Variants in PPP6R3 observed in about 807,000 individuals in gnomAD.
PPP6R3 encodes serine/threonine-protein phosphatase 6 regulatory subunit 3.
In PPP6R3, 38 loss-of-function variants were observed where a neutral mutation model predicts 110.7. The observed-to-expected ratio is 0.34, with a 90% CI of 0.26 to 0.45. The LOEUF (loss-of-function observed/expected upper bound fraction) is 0.45, where lower values mean the gene tolerates loss of function less well. Among genes scored for constraint, PPP6R3 ranks in the 20% least tolerant of loss-of-function variants. The pLI, the probability that PPP6R3 is intolerant of heterozygous loss-of-function variation, is 1.00. For synonymous variants in PPP6R3, 369 were observed against 373.5 expected, an observed-to-expected ratio of 0.99 and a Z score of 0.14; for missense variants, 870 against 1,062.4, an observed-to-expected ratio of 0.82 and a Z score of 2.52.
chr11:68,551,870 G>A (rs2099382010), intron 6 of PPP6R3, among the ~76,000 whole-genome samples: 1 of 152,206 alleles, frequency 6.6e-6, no homozygotes, highest in South Asian at 2.1e-4. Context: ...CAGCTTTGCA[G>A]GCAGTGAAGT....
chr11:68,608,130 T>C (rs1045059563), intron 22 of PPP6R3, among the ~76,000 whole-genome samples: 1 of 151,798 alleles, frequency 6.6e-6, no homozygotes, highest in African/African-American at 2.4e-5. Context: ...GATAAAATGC[T>C]GCAGACAAAA....
chr11:68,608,566 C>T (rs1052732739), intron 22 of PPP6R3, among the ~76,000 whole-genome samples: 5 of 152,148 alleles, frequency 3.3e-5, no homozygotes, highest in Non-Finnish European at 7.3e-5. Flanking sequence ...TGAGAAACGC[C>T]CAGACAGGTC....
chr11:68,534,110 G>T (rs1027251547), intron 2 of PPP6R3, among the ~76,000 whole-genome samples: 2 of 152,196 alleles, frequency 1.3e-5, no homozygotes, highest in African/African-American at 2.4e-5. Context: ...TCTGTCATGT[G>T]GCCACACCTA....
chr11:68,597,353 G>C (rs1460337344), intron 19 of PPP6R3, among the ~76,000 whole-genome samples: 1 of 152,182 alleles, frequency 6.6e-6, no homozygotes, highest in Non-Finnish European at 1.5e-5. Context: ...TGTTTTGCAT[G>C]GCTCGGGGAT....
intron 2 of PPP6R3, among the ~76,000 whole-genome samples, chr11:68,529,249 C>T (rs1410495235): frequency 2.0e-5 from 3 of 152,144 alleles, no homozygotes; most frequent in Non-Finnish European, 4.4e-5. Context: ...GATGGAGTCT[C>T]ACTCTGTCTC....
At chr11:68,564,465 C>T (rs372542980) in intron 9 of PPP6R3, 33 bp downstream of exon 9, 981 of 1,610,446 alleles carry the variant, frequency 6.1e-4, no homozygotes, top group Non-Finnish European at 7.6e-4. Context: ...GGCTGCCCAG[C>T]GAGTAATTTG....
chr11:68,546,019 TG>T (rs766840808), intron 4 of PPP6R3, among the ~76,000 whole-genome samples: 6 of 152,362 alleles, frequency 3.9e-5, no homozygotes, highest in Non-Finnish European at 8.8e-5. Flanking sequence ...TATCAGCACT[TG>T]TGGAAGGACT....
In PPP6R3 at chr11:68,614,100, A is replaced by T; in HGVS notation, c.*983A>T. 1.0e-6 allele frequency: 1 copy of T among 986,166 alleles called. No individual in the cohort carries two copies. Among genetic ancestry groups the T allele is most frequent in the Non-Finnish European group, 1.2e-6 (1 of 830,208 alleles). 61.1% of individuals were successfully genotyped at this position (986,166 alleles called of 1,614,324 possible). ...TTGAAAATGCTCGTGCTGCTAATGG[A>T]ATTAGAGTGCGTTCATTTTACAGGC... On this transcript the variant is annotated 3_prime_UTR_variant, in exon 24 of 24. Coordinates refer to ENST00000393800, the MANE Select transcript of PPP6R3 (RefSeq NM_001164161.2).
At chr11:68,556,745 TTTTATTTTGTTTG>T (rs2099401146) in intron 7 of PPP6R3, among the ~76,000 whole-genome samples, 1 of 152,238 alleles carries the variant, frequency 6.6e-6, no homozygotes, top group South Asian at 2.1e-4. Flanking sequence ...AAGGCATTCC[TTTTATTTTGTTTG>T]ATAAGCTTCA....
intron 1 of PPP6R3, among the ~76,000 whole-genome samples, chr11:68,501,473 C>T (rs551503590): frequency 7.2e-5 from 11 of 152,294 alleles, no homozygotes; most frequent in South Asian, 6.2e-4. Context: ...ATTACAAGCA[C>T]GCACCACCAC....
At chr11:68,524,641 C>T (rs1352641817) in intron 2 of PPP6R3, among the ~76,000 whole-genome samples, 2 of 152,150 alleles carry the variant, frequency 1.3e-5, no homozygotes, top group African/African-American at 4.8e-5. Flanking sequence ...GGCATTCTTC[C>T]TATCTTGTTT....
At position 68,574,112 on chromosome 11, in the gene PPP6R3, T is replaced by C. The variant is rs530916650; in HGVS notation, c.1347T>C (p.Ala449=). The C allele has an allele frequency of 1.2e-5, 19 of 1,611,712 alleles. No homozygotes were observed. The South Asian group carries it at 1.8e-4, about 15-fold the overall frequency. Residue 449 remains alanine, a synonymous_variant, in exon 13 of 24, where the codon GCT becomes GCC. Coordinates refer to ENST00000393800, the MANE Select transcript of PPP6R3 (RefSeq NM_001164161.2). ...EAWEMNEKKQ[A]EGGRRHGYMG... ...TTTGTCCTTTACCTCTTGTCAGGGC[T>C]GAGGGAGGAAGACGGCATGGTTACA...
chr11:68,569,110 G>A (rs1266334242), intron 10 of PPP6R3, among the ~76,000 whole-genome samples: 4 of 152,106 alleles, frequency 2.6e-5, no homozygotes, highest in Admixed American at 2.6e-4. Flanking sequence ...CTAACTATTT[G>A]TGTTAGTTGC....
chr11:68,575,644 T>G (rs996357940), intron 13 of PPP6R3, among the ~76,000 whole-genome samples: 2 of 152,206 alleles, frequency 1.3e-5, no homozygotes, highest in Admixed American at 1.3e-4. Flanking sequence ...CAGGTTAAGC[T>G]TCTACCAGAG....
chr11:68,556,188 A>G (rs1051064046), intron 7 of PPP6R3, among the ~76,000 whole-genome samples: 5 of 152,188 alleles, frequency 3.3e-5, no homozygotes, highest in Admixed American at 6.5e-5. Flanking sequence ...TGTGGACTCC[A>G]CTGTATATAT....
intron 16 of PPP6R3, among the ~76,000 whole-genome samples, chr11:68,590,211 A>G (rs1308512081): frequency 6.6e-6 from 1 of 152,262 alleles, no homozygotes; most frequent in Non-Finnish European, 1.5e-5. Context: ...ATATCTTGTT[A>G]ACAGCATAAG....
intron 6 of PPP6R3, among the ~76,000 whole-genome samples, chr11:68,552,344 T>A (rs989073828): frequency 6.6e-6 from 1 of 152,220 alleles, no homozygotes; most frequent in African/African-American, 2.4e-5. Flanking sequence ...CTCCTCTCTC[T>A]CACAGAAATA....
intron 1 of PPP6R3, among the ~76,000 whole-genome samples, chr11:68,508,905 C>T (rs924273630): frequency 1.3e-5 from 2 of 152,258 alleles, no homozygotes; most frequent in Middle Eastern, 6.8e-3. Context: ...TGATTGGCTG[C>T]AAATAAAAGT....
At chr11:68,562,323 G>T (rs184322557) in intron 8 of PPP6R3, among the ~76,000 whole-genome samples, 80 of 152,310 alleles carry the variant, frequency 5.3e-4, no homozygotes, top group African/African-American at 1.9e-3. Flanking sequence ...GAAATACTCT[G>T]TTCATGGATT....
Sources: allele counts gnomAD v4.1 joint callset (sites outside exome capture counted in the v4.1 genomes callset), GRCh38; gene constraint gnomAD v4.1.1; transcripts MANE v1.5; gene names NCBI Gene and HGNC (gene_info 2026-07-23, HGNC 2026-07-21).